Variants in NF2 observed in about 807,000 individuals in gnomAD.
The protein encoded by NF2 is merlin.
In NF2, 8 loss-of-function variants were observed where a neutral mutation model predicts 83.7. The ratio of observed to expected loss-of-function variants is 0.10; its 90% CI spans 0.06 to 0.17. The LOEUF is 0.17. Ranked by LOEUF, NF2 falls within the 10% of genes least tolerant of loss-of-function variation. The pLI is 1.00. For missense variants in NF2, 533 were observed against 744.4 expected (o/e 0.72, Z 3.31); for synonymous variants, 266 against 269.6 (o/e 0.99, Z 0.13).
At chr22:29,643,917 G>A (rs1264175721) in intron 4 of NF2, among the ~76,000 whole-genome samples, 1 of 151,088 alleles carries the variant, frequency 6.6e-6, no homozygotes, top group Non-Finnish European at 1.5e-5. Flanking sequence ...GCCGGGCGGG[G>A]GGCTGACCCC....
In NF2 at chr22:29,661,283, C is replaced by G. The variant is rs2066469878; in HGVS notation, c.754C>G (p.Pro252Ala). 10 of 1,614,196 alleles carry G rather than the reference C, an allele frequency of 6.2e-6. No individual in the cohort carries two copies. In the East Asian group the frequency reaches 2.2e-4, roughly 36 times the overall value. ...HIYDPENRLT[P>A]KISFPWNEIR... ...TTATGACCCTGAGAACAGACTGACC[C>G]CCAAGATCTCCTTCCCGTGGAATGA... The change falls in exon 8 of 16, where the codon CCC becomes GCC. Residue 252 changes from proline to alanine, a missense_variant. Coordinates refer to ENST00000338641, the MANE Select transcript of NF2 (RefSeq NM_000268.4).
chr22:29,618,838 A>G (rs2065139415), intron 1 of NF2, among the ~76,000 whole-genome samples: 1 of 152,212 alleles, frequency 6.6e-6, no homozygotes, highest in South Asian at 2.1e-4. Context: ...TAAGTTGTCC[A>G]TAACAGAAGG....
intron 1 of NF2, among the ~76,000 whole-genome samples, chr22:29,614,940 T>C (rs971810737): frequency 7.2e-5 from 11 of 152,046 alleles, no homozygotes; most frequent in African/African-American, 1.2e-4. Context: ...TCCTAGCACT[T>C]TGGGAGGCTG....
intron 12 of NF2, 145 bp downstream of exon 12, chr22:29,673,631 G>T: frequency 2.2e-6 from 2 of 904,458 alleles, no homozygotes; most frequent in Non-Finnish European, 3.4e-6. Flanking sequence ...TTGGCTGATG[G>T]TGACTGGTGC....
intron 6 of NF2, among the ~76,000 whole-genome samples, chr22:29,656,514 C>T (rs571690131): frequency 6.6e-6 from 1 of 151,120 alleles, no homozygotes; most frequent in South Asian, 2.1e-4. Context: ...CAGGTTCACG[C>T]CATTCTCCTG....
At chr22:29,623,603 A>C (rs1231366686) in intron 1 of NF2, among the ~76,000 whole-genome samples, 1 of 152,194 alleles carries the variant, frequency 6.6e-6, no homozygotes, top group Non-Finnish European at 1.5e-5. Context: ...TGCTAGGCTC[A>C]AGATTCAGGA....
intron 4 of NF2, among the ~76,000 whole-genome samples, chr22:29,646,635 T>A (rs1018937747): frequency 6.6e-6 from 1 of 152,214 alleles, no homozygotes; most frequent in Admixed American, 6.5e-5. Flanking sequence ...GTTGGAATGA[T>A]ATAGACACAG....
chr22:29,673,361 T>G lies in NF2; in HGVS notation c.1215T>G (p.Ala405=), dbSNP rs772219612. The G allele has an allele frequency of 3.3e-5, 53 of 1,608,794 alleles. No individual in the cohort carries two copies. The East Asian group carries it at 1.2e-3, about 36-fold the overall frequency. ...TTCTGGCCCAGAAGGCCGCAGAGGC[T>G]GAGCAGGAAATGCAGCGCATCAAGG... ...AKLLAQKAAE[A]EQEMQRIKAT... is the part of the protein sequence containing the mutation. Residue 405 remains alanine (A), a synonymous_variant, in exon 12 of 16, where the codon GCT becomes GCG. Transcript: ENST00000338641.
intron 14 of NF2, among the ~76,000 whole-genome samples, chr22:29,679,040 T>C (rs963973080): frequency 3.9e-5 from 6 of 152,258 alleles, no homozygotes; most frequent in Non-Finnish European, 5.9e-5. Context: ...TGAGTGCCTG[T>C]GTGTCAGGGG....
At chr22:29,665,351 C>T (rs2147035563) in intron 9 of NF2, among the ~76,000 whole-genome samples, 1 of 151,718 alleles carries the variant, frequency 6.6e-6, no homozygotes, top group East Asian at 2.0e-4. Flanking sequence ...TCAAGAGATT[C>T]TCCTGGCTCA....
chr22:29,609,053 T>G (rs1488952523), intron 1 of NF2: 1 of 727,368 alleles, frequency 1.4e-6, no homozygotes, highest in Admixed American at 1.8e-5. Flanking sequence ...GCCAGAACAG[T>G]GGGTAAAGCC....
At chr22:29,656,060 C>T (rs1254378544) in intron 6 of NF2, among the ~76,000 whole-genome samples, 1 of 151,664 alleles carries the variant, frequency 6.6e-6, no homozygotes, top group African/African-American at 2.4e-5. Context: ...TGCCTCAGCA[C>T]CCCCAGTAGC....
At chr22:29,678,435 C>A in intron 14 of NF2, 112 bp downstream of exon 14, 1 of 1,301,542 alleles carries the variant, frequency 7.7e-7, no homozygotes, top group Non-Finnish European at 1.1e-6. Flanking sequence ...TGTCATTACT[C>A]CTGCAAAGGT....
intron 6 of NF2, among the ~76,000 whole-genome samples, chr22:29,657,477 G>C (rs2066346243): frequency 6.6e-6 from 1 of 152,176 alleles, no homozygotes; most frequent in Non-Finnish European, 1.5e-5. Context: ...CATGATTTCT[G>C]ATTTCTCCAC....
chr22:29,637,347 G>T (rs1334286501), intron 2 of NF2, among the ~76,000 whole-genome samples: 2 of 152,146 alleles, frequency 1.3e-5, no homozygotes, highest in African/African-American at 4.8e-5. Context: ...GAGAGTGCCT[G>T]GTCCCCAGGG....
chr22:29,674,749 A>G, intron 12 of NF2, 87 bp from the exon 13 acceptor site: 1 of 1,168,064 alleles, frequency 8.6e-7, no homozygotes. Flanking sequence ...GGGTTAGCCC[A>G]GGTCCCTCCT....
intron 10 of NF2, among the ~76,000 whole-genome samples, chr22:29,670,838 CTG>C (rs1357659851): frequency 6.6e-6 from 1 of 152,148 alleles, no homozygotes; most frequent in Non-Finnish European, 1.5e-5. Context: ...GGACACGGGG[CTG>C]TGTTTCCCGC....
intron 1 of NF2, among the ~76,000 whole-genome samples, chr22:29,633,808 A>G (rs2065577599): frequency 1.3e-5 from 2 of 152,298 alleles, no homozygotes; most frequent in South Asian, 4.1e-4. Flanking sequence ...GCCTTCTCTG[A>G]CCTAGGTCTT....
intron 1 of NF2, among the ~76,000 whole-genome samples, chr22:29,618,797 A>G (rs1396567590): frequency 6.6e-6 from 1 of 152,228 alleles, no homozygotes; most frequent in Non-Finnish European, 1.5e-5. Context: ...AAATACCAAC[A>G]TTGCAGATCA....
Sources: allele counts gnomAD v4.1 joint callset (sites outside exome capture counted in the v4.1 genomes callset), GRCh38; gene constraint gnomAD v4.1.1; transcripts MANE v1.5; gene names NCBI Gene and HGNC (gene_info 2026-07-23, HGNC 2026-07-21).